PADI4: variants seen among roughly 807,000 people sequenced by gnomAD.
PADI4 encodes the protein peptidyl arginine deiminase 4.
A neutral mutation model predicts 75.0 loss-of-function variants in PADI4; 62 were observed. That is an observed-to-expected ratio of 0.83 (90% CI 0.67 to 1.02). The LOEUF (loss-of-function observed/expected upper bound fraction) is 1.02. PADI4 is among the 50% of genes least tolerant of loss of function. The probability of loss-of-function intolerance (pLI) is 0.00; values close to 1 mark genes in which losing one functional copy is unlikely to be tolerated. For synonymous variants in PADI4, 361 were observed against 348.1 expected (o/e 1.04, Z -0.41); for missense variants, 845 against 850.5 (o/e 0.99, Z 0.08).
chr1:17,318,307 C>T lies in PADI4; in HGVS notation c.92+9993C>T, dbSNP rs146784418. ...GCCATTATCAGCCAGCACCCAGAAACGTCACTTTGCCTCTCTGAACCTGTT... is the reference window on the plus strand; with the variant it reads ...GCCATTATCAGCCAGCACCCAGAAATGTCACTTTGCCTCTCTGAACCTGTT... On this transcript the variant is annotated intron_variant, in intron 1 of 15. Coordinates refer to ENST00000375448, the MANE Select transcript of PADI4 (RefSeq NM_012387.3). 5.7e-3 allele frequency among the ~76,000 whole-genome samples: 873 copies of T among 152,310 alleles called. 13 individuals are homozygous for T. Among genetic ancestry groups the T allele is most frequent in the African/African-American group, 0.02 (824 of 41,558 alleles).
chr1:17,326,112 AT>A (rs1273949699), intron 1 of PADI4, among the ~76,000 whole-genome samples: 1 of 151,920 alleles, frequency 6.6e-6, no homozygotes, highest in Non-Finnish European at 1.5e-5. Context: ...AAAAAAAAAA[AT>A]CTGCTTTATC....
rs397979378 is a variant in PADI4, at chr1:17,323,859, C to CAAA, written c.93-7104_93-7102dup. Among the ~76,000 whole-genome samples the CAAA allele has an allele frequency of 5.9e-3, 883 of 148,834 alleles. 6 individuals are homozygous for CAAA. The highest frequency in any genetic ancestry group is 0.01 in the Middle Eastern group (3 of 290). ...ACAAGCAAACAAACAACAACAACAA[C>CAAA]AAAAAAAACACAAACAAACAAAAAA... On this transcript the variant is annotated intron_variant, in intron 1 of 15. Coordinates refer to ENST00000375448, the MANE Select transcript of PADI4 (RefSeq NM_012387.3).
chr1:17,337,998 T>C (rs1174084045), intron 4 of PADI4, 40 bp from the exon 5 acceptor site: 1 of 1,216,882 alleles, frequency 8.2e-7, no homozygotes, highest in Non-Finnish European at 1.2e-6. Flanking sequence ...GAGGGCTCTA[T>C]GCTAGTTTCT....
At chr1:17,315,944 T>C (rs1457444927) in intron 1 of PADI4, among the ~76,000 whole-genome samples, 1 of 151,908 alleles carries the variant, frequency 6.6e-6, no homozygotes. Flanking sequence ...GCTGCCTCCC[T>C]GATGACCCAC....
In PADI4 at chr1:17,363,555, A is replaced by G. The variant is rs769303417; in HGVS notation, c.1792A>G (p.Ile598Val). Residue 598 changes from isoleucine to valine, a missense_variant, in exon 16 of 16, where the codon ATC becomes GTC. By Grantham distance (29) the Ile-to-Val change is conservative. Transcript: ENST00000375448. ...NMLVLGKHLGIPKPFGPVING... is the reference protein window; with the variant it reads ...NMLVLGKHLGVPKPFGPVING... ...GCTGGTGCTAGGGAAGCACCTGGGC[A>G]TCCCCAAGCCCTTCGGGCCCGTCAT... 2 of 1,613,660 alleles carry G rather than the reference A, an allele frequency of 1.2e-6. No individual in the cohort carries two copies. The highest frequency in any genetic ancestry group is 2.2e-5 in the South Asian group (2 of 91,032).
chr1:17,326,972 G>A (rs765192255), intron 1 of PADI4, among the ~76,000 whole-genome samples: 42 of 150,030 alleles, frequency 2.8e-4, no homozygotes, highest in Admixed American at 1.0e-3. Flanking sequence ...GTACAGTGGT[G>A]CAATATTGGC....
chr1:17,354,036 C>A (rs2074715611), intron 10 of PADI4, among the ~76,000 whole-genome samples: 2 of 151,190 alleles, frequency 1.3e-5, no homozygotes, highest in South Asian at 4.2e-4. Flanking sequence ...GGTCAGGAAT[C>A]CGAGACTAGA....
At chr1:17,312,160 GGAAAA>G (rs1034075626) in intron 1 of PADI4, among the ~76,000 whole-genome samples, 2 of 152,088 alleles carry the variant, frequency 1.3e-5, no homozygotes, top group African/African-American at 4.8e-5. Context: ...ATATTTAAAG[GGAAAA>G]GAGTGGGAAT....
chr1:17,314,250 G>C (rs1005563520), intron 1 of PADI4, among the ~76,000 whole-genome samples: 2 of 152,174 alleles, frequency 1.3e-5, no homozygotes, highest in Admixed American at 1.3e-4. Flanking sequence ...TCCCTCTCCT[G>C]TCCCCATCCT....
chr1:17,336,117 C>T (rs1254995319), intron 3 of PADI4, 42 bp from the exon 4 acceptor site: 1 of 1,476,360 alleles, frequency 6.8e-7, no homozygotes, highest in South Asian at 1.1e-5. Flanking sequence ...GCCCCAACCC[C>T]GGACCCTCAC....
rs370129336 is a variant in PADI4 at position 17,358,584 on chromosome 1, T to A, written c.1559-254T>A. ...CCGTCTCAAAAAAAAAAAAAAATAATAATAAAAATAAAAATATATTTTAAA... is the reference window on the plus strand; with the variant it reads ...CCGTCTCAAAAAAAAAAAAAAATAAAAATAAAAATAAAAATATATTTTAAA... On this transcript the variant is annotated intron_variant, in intron 13 of 15. Coordinates refer to ENST00000375448, the MANE Select transcript of PADI4 (RefSeq NM_012387.3). Among the ~76,000 whole-genome samples the A allele has an allele frequency of 1.3e-3, 13 of 10,388 alleles. 3 individuals are homozygous for A. The highest frequency in any genetic ancestry group is 2.6e-3 in the Admixed American group (4 of 1,564). 6.8% of individuals were successfully genotyped at this position (10,388 alleles called of 152,430 possible).
Position 17,359,386 on chromosome 1 carries a change from C to A in PADI4, c.1736C>A (p.Ala579Glu). 1.9e-6 allele frequency: 3 copies of A among 1,614,114 alleles called. No homozygotes were observed. The highest frequency in any genetic ancestry group is 1.3e-5 in the African/African-American group (1 of 75,052). The stretch of plus-strand genomic sequence containing the variant: ...TTCAAGCTCAAAGAGTTCTCTAAGG[C>A]GGAAGCTTTTTTCCCCAACATGGTG... ...QLFKLKEFSK[A>E]EAFFPNMVNM... is the part of the protein sequence containing the mutation. The change falls in exon 15 of 16, where the codon GCG becomes GAG. Residue 579 changes from alanine to glutamate, a missense_variant. By Grantham distance (107) the Ala-to-Glu change is moderately radical (BLOSUM62 -1). Transcript: ENST00000375448.
At chr1:17,310,344 G>A (rs2073797765) in intron 1 of PADI4, among the ~76,000 whole-genome samples, 1 of 152,028 alleles carries the variant, frequency 6.6e-6, no homozygotes, top group African/African-American at 2.4e-5. Flanking sequence ...TCTCCCCATG[G>A]GTCTCCGTTC....
At chr1:17,327,192 C>T (rs2074130247) in intron 1 of PADI4, among the ~76,000 whole-genome samples, 1 of 152,150 alleles carries the variant, frequency 6.6e-6, no homozygotes, top group Non-Finnish European at 1.5e-5. Flanking sequence ...GTATGAGCCA[C>T]CATGCCCAGC....
intron 15 of PADI4, among the ~76,000 whole-genome samples, chr1:17,361,371 C>A (rs1256256128): frequency 6.6e-6 from 1 of 152,244 alleles, no homozygotes; most frequent in East Asian, 1.9e-4. Flanking sequence ...TAGTCAGCAA[C>A]GCTGAGGGCT....
At chr1:17,310,354 C>G (rs1476569862) in intron 1 of PADI4, among the ~76,000 whole-genome samples, 1 of 152,132 alleles carries the variant, frequency 6.6e-6, no homozygotes, top group East Asian at 1.9e-4. Flanking sequence ...GGTCTCCGTT[C>G]CAGACCTTCC....
chr1:17,358,119 G>A (rs868674171), intron 13 of PADI4, among the ~76,000 whole-genome samples: 13 of 151,240 alleles, frequency 8.6e-5, no homozygotes, highest in East Asian at 3.9e-4. Flanking sequence ...GCAGTGGTGC[G>A]CACCTGTAAT....
chr1:17,323,744 G>C (rs1478755536), intron 1 of PADI4, among the ~76,000 whole-genome samples: 1 of 151,932 alleles, frequency 6.6e-6, no homozygotes, highest in Non-Finnish European at 1.5e-5. Flanking sequence ...GAGATGAGAG[G>C]CTAGCTTAAG....
chr1:17,326,373 A>G (rs2074117311), intron 1 of PADI4, among the ~76,000 whole-genome samples: 1 of 152,188 alleles, frequency 6.6e-6, no homozygotes, highest in Admixed American at 6.5e-5. Context: ...TCACTTTTAC[A>G]TCTCCCCAAA....
Sources: allele counts gnomAD v4.1 joint callset (sites outside exome capture counted in the v4.1 genomes callset), GRCh38; gene constraint gnomAD v4.1.1; transcripts MANE v1.5; gene names NCBI Gene and HGNC (gene_info 2026-07-23, HGNC 2026-07-21).